Variants in FGB observed in about 807,000 individuals in gnomAD.
FGB encodes beta-fibrinogen.
Under a neutral mutation model 57.9 loss-of-function variants are expected in FGB, and 25 were observed. The ratio of observed to expected loss-of-function variants is 0.43; its 90% CI spans 0.31 to 0.60. FGB has a LOEUF of 0.60. Among genes scored for constraint, FGB ranks in the 20% least tolerant of loss-of-function variants. The pLI is 0.08. For missense variants in FGB, 536 were observed against 598.4 expected (o/e 0.90, Z 1.09); for synonymous variants, 203 against 199.2 (o/e 1.02, Z -0.16).
chr4:154,569,159 CT>C, intron 5 of FGB, 22 bp from the exon 6 acceptor site: 1 of 1,613,766 alleles, frequency 6.2e-7, no homozygotes, highest in African/African-American at 1.3e-5. Context: ...AATATATGCT[CT>C]TTTTGTTTCT....
chr4:154,565,461 G>T (rs1578781797), intron 1 of FGB: 1 of 303,396 alleles, frequency 3.3e-6, no homozygotes, highest in South Asian at 3.3e-5. Context: ...CAAGTGGCTT[G>T]AGAATATTCA....
intron 5 of FGB, 129 bp downstream of exon 5, chr4:154,568,623 A>T: frequency 1.5e-6 from 1 of 665,026 alleles, no homozygotes; most frequent in Middle Eastern, 3.7e-4. Flanking sequence ...AAGTGGGCTG[A>T]TAGCTTGAGC....
chr4:154,566,410 AATTTTCCTATGTGCT>A, intron 2 of FGB, 64 bp from the exon 3 acceptor site: 1 of 1,341,234 alleles, frequency 7.5e-7, no homozygotes, highest in Non-Finnish European at 1.1e-6. Context: ...CGTATCGCTG[AATTTTCCTATGTGCT>A]ATTTTAACAA....
At chr4:154,569,392 T>C in intron 6 of FGB, 85 bp downstream of exon 6, 1 of 1,594,418 alleles carries the variant, frequency 6.3e-7, no homozygotes, top group South Asian at 1.1e-5. Context: ...TGGAAGCCTG[T>C]TTTAGGCAGT....
intron 5 of FGB, among the ~76,000 whole-genome samples, 155 bp downstream of exon 5, chr4:154,568,649 T>A (rs1330187172): frequency 6.2e-5 from 8 of 130,028 alleles, no homozygotes; most frequent in African/African-American, 2.4e-4. Context: ...AGTTTGAAAC[T>A]AGCCTGGGCA....
rs1459609403 is a variant in FGB, at chr4:154,571,783, G to A, written c.*1133G>A. ...TCAACACTTCACTCCAAGTCGCCAC[G>A]GGCAACCTTATGACCCTAGGTCCTC... is the stretch of plus-strand genomic sequence containing the variant. On this transcript the variant is annotated 3_prime_UTR_variant, in exon 8 of 8. Coordinates refer to ENST00000302068, the MANE Select transcript of FGB (RefSeq NM_005141.5). Among the ~76,000 whole-genome samples, 1 of 151,996 alleles carries A rather than the reference G, an allele frequency of 6.6e-6. No homozygotes were observed. The highest frequency in any genetic ancestry group is 1.9e-4 in the East Asian group (1 of 5,188).
At chr4:154,569,146 G>A (rs201322726) in intron 5 of FGB, 36 bp from the exon 6 acceptor site, 14 of 1,612,426 alleles carry the variant, frequency 8.7e-6, no homozygotes, top group Non-Finnish European at 8.5e-7. Context: ...TTTGCTGTTG[G>A]TTAATATATG....
chr4:154,566,034 T>G (rs1363533025), intron 2 of FGB, 35 bp downstream of exon 2: 8 of 1,594,222 alleles, frequency 5.0e-6, no homozygotes, highest in Non-Finnish European at 6.9e-6. Flanking sequence ...GTGGTGGCTC[T>G]CTCATGCAGA....
Position 154,565,838 on chromosome 4 carries a change from C to G in FGB, c.145C>G (p.Leu49Val). ...CTTCAGTGCCCGTGGTCATCGACCC[C>G]TTGACAAGAAGAGAGAAGAGGCTCC... ...GFFSARGHRP[L>V]DKKREEAPSL... Residue 49 changes from leucine to valine, a missense_variant, in exon 2 of 8, where the codon CTT (leucine) becomes GTT (valine). By Grantham distance (32) the Leu-to-Val change is conservative. Transcript: ENST00000302068. 6.2e-7 allele frequency: 1 copy of G among 1,614,166 alleles called. No homozygotes were observed.
intron 2 of FGB, among the ~76,000 whole-genome samples, chr4:154,566,259 G>A (rs1203988326): frequency 6.6e-6 from 1 of 152,070 alleles, no homozygotes; most frequent in Non-Finnish European, 1.5e-5. Flanking sequence ...CACTGCCTTT[G>A]TTTAGTTGGT....
Position 154,565,808 on chromosome 4 carries a change from G to A in FGB, c.115G>A (p.Gly39Ser). The stretch of plus-strand genomic sequence containing the variant: ...TATATTTCTGCCTCATTCCTTGTAG[G>A]GTTTCTTCAGTGCCCGTGGTCATCG... ...KSQGVNDNEE[G>S]FFSARGHRPL... The change falls in exon 2 of 8, where the codon GGT becomes AGT. Residue 39 changes from glycine (G) to serine (S), a missense_variant and splice_region_variant. This residue lies in a region of FGB where 354 missense variants were observed against 383.4 expected (regional missense o/e 0.92). Transcript: ENST00000302068. 1.2e-6 allele frequency: 2 copies of A among 1,614,002 alleles called. No individual in the cohort carries two copies. Among genetic ancestry groups the A allele is most frequent in the Non-Finnish European group, 8.5e-7 (1 of 1,179,938 alleles).
intron 1 of FGB, 151 bp from the exon 2 acceptor site, chr4:154,565,657 C>A: frequency 1.3e-6 from 1 of 742,458 alleles, no homozygotes; most frequent in Non-Finnish European, 2.3e-6. Flanking sequence ...AAGCAACCTA[C>A]AGATTCACTA....
intron 4 of FGB, 51 bp from the exon 5 acceptor site, chr4:154,568,330 A>G (rs1313886237): frequency 2.1e-6 from 2 of 952,156 alleles, no homozygotes; most frequent in Non-Finnish European, 1.7e-6. Flanking sequence ...GACTAAATAC[A>G]AAGTAATTAT....
Position 154,572,136 on chromosome 4 carries a change from G to C in FGB, c.*1486G>C, listed in dbSNP as rs1730452741. 6.6e-6 allele frequency among the ~76,000 whole-genome samples: 1 copy of C among 152,026 alleles called. No homozygotes were observed. Among genetic ancestry groups the C allele is most frequent in the Non-Finnish European group, 1.5e-5 (1 of 68,008 alleles). ...AAATTTTTTAGCTGGAGTAAAAATG[G>C]TCCCAGTACCATTTCCTGTTCCCTT... is the stretch of plus-strand genomic sequence containing the variant. On this transcript the variant is annotated 3_prime_UTR_variant, in exon 8 of 8. Coordinates refer to ENST00000302068, the MANE Select transcript of FGB (RefSeq NM_005141.5).
At chr4:154,566,714 ATTGGAACCGT>A in intron 3 of FGB, 42 bp downstream of exon 3, 1 of 1,583,906 alleles carries the variant, frequency 6.3e-7, no homozygotes, top group Non-Finnish European at 8.7e-7. Flanking sequence ...CAGCTATAAA[ATTGGAACCGT>A]TAGACTGCCA....
chr4:154,569,809 G>T lies in FGB; in HGVS notation c.1244+10G>T. On this transcript the variant is annotated intron_variant, in intron 7 of 7. Transcript: ENST00000302068. ...GAGACAATGACGGCTGGTATGTGTG[G>T]CACTCTTTGCTCCTGCTTTAAAAAT... is the stretch of plus-strand genomic sequence containing the variant. The T allele has an allele frequency of 6.2e-7, 1 of 1,613,970 alleles. No homozygotes were observed. Among genetic ancestry groups the T allele is most frequent in the Non-Finnish European group, 8.5e-7 (1 of 1,179,866 alleles).
chr4:154,568,597 G>A, intron 5 of FGB, 103 bp downstream of exon 5: 1 of 752,498 alleles, frequency 1.3e-6, no homozygotes, highest in South Asian at 1.4e-5. Context: ...TGTAATTCCA[G>A]CACCTTGGGA....
rs1372956388 is a variant in FGB at position 154,572,011 on chromosome 4, C to CACCT, written c.*1365_*1368dup. Among the ~76,000 whole-genome samples, 1 of 152,166 alleles carries CACCT rather than the reference C, an allele frequency of 6.6e-6. No homozygotes were observed. Among genetic ancestry groups the CACCT allele is most frequent in the Non-Finnish European group, 1.5e-5 (1 of 68,034 alleles). On this transcript the variant is annotated 3_prime_UTR_variant, in exon 8 of 8. Transcript: ENST00000302068. Reference sequence around the variant, plus strand: ...GTTCTGTCCCACTGGAGCCCATACTCACCTACCGCTTTGCCATCACATTTA... The same window carrying CACCT: ...GTTCTGTCCCACTGGAGCCCATACTCACCTACCTACCGCTTTGCCATCACATTTA...
Position 154,566,484 on chromosome 4 carries a change from T to A in FGB, c.307-5T>A, listed in dbSNP as rs1730163932. ...TCTAATGCCTGCTATTTTCTTTGTTTTTAGGGGGTGTTGTGTCCTACAGGA... is the reference window on the plus strand; with the variant it reads ...TCTAATGCCTGCTATTTTCTTTGTTATTAGGGGGTGTTGTGTCCTACAGGA... On this transcript the variant is annotated splice_polypyrimidine_tract_variant and splice_region_variant and intron_variant, in intron 2 of 7. Transcript: ENST00000302068. 1 of 1,613,888 alleles carries A rather than the reference T, an allele frequency of 6.2e-7. No individual in the cohort carries two copies. The highest frequency in any genetic ancestry group is 1.3e-5 in the African/African-American group (1 of 74,930).
Sources: allele counts gnomAD v4.1 joint callset (sites outside exome capture counted in the v4.1 genomes callset), GRCh38; gene constraint gnomAD v4.1.1; regional missense constraint gnomAD v4.1.1; transcripts MANE v1.5; gene names NCBI Gene and HGNC (gene_info 2026-07-23, HGNC 2026-07-21).